The following CDYL2 variants were observed in gnomAD, a reference collection of about 807,000 sequenced individuals.
CDYL2 encodes the protein chromodomain Y like 2.
Under a neutral mutation model 49.4 loss-of-function variants are expected in CDYL2, and 23 were observed. The observed-to-expected ratio is 0.47, with a 90% confidence interval of 0.34 to 0.66. CDYL2 has a LOEUF of 0.66. CDYL2 is among the 30% of genes least tolerant of loss of function. CDYL2 has a pLI of 0.01. For missense variants in CDYL2, 678 were observed against 656.4 expected (o/e 1.03, Z -0.36); for synonymous variants, 360 against 268.8 (o/e 1.34, Z -3.32).
chr16:80,778,907 G>T (rs758687740), intron 1 of CDYL2, among the ~76,000 whole-genome samples: 8 of 151,956 alleles, frequency 5.3e-5, no homozygotes, highest in Non-Finnish European at 8.8e-5. Context: ...TTAATAAGTG[G>T]ACTGAAACGA....
chr16:80,780,772 C>T (rs1907239080), intron 1 of CDYL2, among the ~76,000 whole-genome samples: 1 of 152,124 alleles, frequency 6.6e-6, no homozygotes, highest in Non-Finnish European at 1.5e-5. Flanking sequence ...TTCTATACTA[C>T]TATCAACAAC....
rs942781876 is a variant in CDYL2 at position 80,603,715 on chromosome 16, G to GT, written c.*672dup. On this transcript the variant is annotated 3_prime_UTR_variant, in exon 7 of 7. Transcript: ENST00000570137. ...AGAAAAAACATTTCCCTAGTAGTTT[G>GT]TTTTTGCAAAACTAGCTTTACATAT... The GT allele has an allele frequency of 8.5e-5, 13 of 152,706 alleles. No homozygotes were observed. The highest frequency in any genetic ancestry group is 2.9e-4 in the African/African-American group (12 of 41,558). 9.5% of individuals were successfully genotyped at this position (152,706 alleles called of 1,614,324 possible).
At chr16:80,623,014 T>C (rs1907150218) in intron 3 of CDYL2, among the ~76,000 whole-genome samples, 1 of 152,174 alleles carries the variant, frequency 6.6e-6, no homozygotes. Context: ...CAAAGCAACA[T>C]GTCAGGAAGT....
At chr16:80,788,117 T>C (rs766901109) in intron 1 of CDYL2, among the ~76,000 whole-genome samples, 1 of 151,968 alleles carries the variant, frequency 6.6e-6, no homozygotes, top group Admixed American at 6.5e-5. Flanking sequence ...ATGAAAAAAA[T>C]GCACTGAGGC....
intron 1 of CDYL2, among the ~76,000 whole-genome samples, chr16:80,715,387 C>G (rs1192293783): frequency 6.6e-6 from 1 of 152,156 alleles, no homozygotes; most frequent in Non-Finnish European, 1.5e-5. Context: ...ATCCAGTTAT[C>G]CAAGGCGAGG....
Position 80,645,321 on chromosome 16 carries a change from G to A in CDYL2, c.617-12085C>T, listed in dbSNP as rs147462785. On this transcript the variant is annotated intron_variant, in intron 2 of 6. Coordinates refer to ENST00000570137, the MANE Select transcript of CDYL2 (RefSeq NM_152342.4). ...AAAACAACCCCATCAACAAGTGGGCGAAGGATATGAACACACACTTCTCAA... is the reference window on the plus strand; with the variant it reads ...AAAACAACCCCATCAACAAGTGGGCAAAGGATATGAACACACACTTCTCAA... 2.4e-3 allele frequency among the ~76,000 whole-genome samples: 360 copies of A among 152,148 alleles called. 1 individual carries two copies. Among genetic ancestry groups the A allele is most frequent in the African/African-American group, 8.1e-3 (336 of 41,438 alleles).
chr16:80,695,597 T>C (rs1002117030), intron 1 of CDYL2, among the ~76,000 whole-genome samples: 11 of 152,272 alleles, frequency 7.2e-5, no homozygotes, highest in African/African-American at 2.6e-4. Flanking sequence ...TGAGCAGAAG[T>C]GGTTATATTT....
chr16:80,630,344 G>C (rs1432086995), intron 3 of CDYL2, among the ~76,000 whole-genome samples: 3 of 152,224 alleles, frequency 2.0e-5, no homozygotes, highest in Admixed American at 2.0e-4. Flanking sequence ...TGATGAGTGG[G>C]CAACAGTTAC....
intron 1 of CDYL2, among the ~76,000 whole-genome samples, chr16:80,789,857 C>T (rs1907553989): frequency 6.6e-6 from 1 of 151,912 alleles, no homozygotes. Context: ...GAGACATAAA[C>T]AAAGGGTACA....
chr16:80,733,398 G>C (rs1198812273), intron 1 of CDYL2, among the ~76,000 whole-genome samples: 1 of 152,178 alleles, frequency 6.6e-6, no homozygotes, highest in Non-Finnish European at 1.5e-5. Flanking sequence ...ATTTGGGCTT[G>C]CAACGGCTTT....
rs202176613 is a variant in CDYL2 at position 80,604,522 on chromosome 16, C to T, written c.1387G>A (p.Val463Met). ...AVVLEESKCL[V>M]RSFLKSVLED... ...AGCACTGATTTCAGGAAGCTCCGCA[C>T]GAGGCATTTGGACTCCTCTAACACC... The change falls in exon 7 of 7, where the codon GTG becomes ATG. Residue 463 changes from valine to methionine, a missense_variant. Val to Met is a conservative substitution (Grantham distance 21). This residue lies in a region of CDYL2 where 153 missense variants were observed against 150.6 expected (regional missense o/e 1.02). Transcript: ENST00000570137. The T allele has an allele frequency of 1.1e-5, 17 of 1,614,204 alleles. No homozygotes were observed. The highest frequency in any genetic ancestry group is 2.2e-5 in the East Asian group (1 of 44,882).
chr16:80,758,894 AAGACTGGTTAAGGAAATCACAGT>A (rs1906414214), intron 1 of CDYL2, among the ~76,000 whole-genome samples: 1 of 151,764 alleles, frequency 6.6e-6, no homozygotes, highest in South Asian at 2.1e-4. Flanking sequence ...TAAAATTCCG[AAGACTGGTTAAGGAAATCACAGT>A]ACCTCTGGGT....
At chr16:80,625,534 G>C (rs939910970) in intron 3 of CDYL2, among the ~76,000 whole-genome samples, 1 of 152,198 alleles carries the variant, frequency 6.6e-6, no homozygotes, top group East Asian at 1.9e-4. Flanking sequence ...AGATTCTGGA[G>C]ATTTGGACAT....
At chr16:80,626,433 G>A (rs558918215) in intron 3 of CDYL2, among the ~76,000 whole-genome samples, 2 of 152,288 alleles carry the variant, frequency 1.3e-5, no homozygotes, top group East Asian at 1.9e-4. Context: ...TAGAGGATGA[G>A]AGGAGGAATG....
At chr16:80,619,411 C>T (rs534064448) in intron 4 of CDYL2, among the ~76,000 whole-genome samples, 2 of 152,326 alleles carry the variant, frequency 1.3e-5, no homozygotes, top group South Asian at 2.1e-4. Context: ...GCTGTGTCAG[C>T]CAGGTTTCCC....
intron 1 of CDYL2, among the ~76,000 whole-genome samples, chr16:80,800,225 T>C (rs1907884941): frequency 6.6e-6 from 1 of 152,184 alleles, no homozygotes; most frequent in Non-Finnish European, 1.5e-5. Flanking sequence ...ATGGCAAAAC[T>C]GCAAGAACAG....
chr16:80,771,480 G>A (rs1019411615), intron 1 of CDYL2, among the ~76,000 whole-genome samples: 1 of 152,240 alleles, frequency 6.6e-6, no homozygotes, highest in Non-Finnish European at 1.5e-5. Flanking sequence ...GAGGTAGGCG[G>A]ATCACTTGTG....
intron 1 of CDYL2, among the ~76,000 whole-genome samples, chr16:80,736,061 A>G (rs1302553853): frequency 6.6e-6 from 1 of 152,196 alleles, no homozygotes; most frequent in Non-Finnish European, 1.5e-5. Context: ...GCCTTTTATG[A>G]CATAGGCCAG....
At chr16:80,675,507 G>A (rs112958556) in intron 2 of CDYL2, among the ~76,000 whole-genome samples, 16 of 152,240 alleles carry the variant, frequency 1.1e-4, no homozygotes, top group South Asian at 2.1e-4. Context: ...CACCACCACC[G>A]CTGCCACCAT....
Sources: gnomAD v4.1 joint callset for allele counts (sites outside exome capture counted in the v4.1 genomes callset) on GRCh38, gnomAD v4.1.1 for gene constraint, gnomAD v4.1.1 regional missense constraint, MANE v1.5 for transcripts, NCBI Gene and HGNC (gene_info 2026-07-23, HGNC 2026-07-21) for gene names.